RIMS2: variants seen among roughly 807,000 people sequenced by gnomAD.
The protein encoded by RIMS2 is regulating synaptic membrane exocytosis 2, also known as regulating synaptic membrane exocytosis protein 2.
Under a neutral mutation model 174.4 loss-of-function variants are expected in RIMS2, and 59 were observed. That is an observed-to-expected ratio of 0.34 (90% confidence interval 0.27 to 0.42). The LOEUF is 0.42. Among genes scored for constraint, RIMS2 ranks in the 10% least tolerant of loss-of-function variants. The probability of loss-of-function intolerance (pLI) is 1.00; values close to 1 mark genes in which losing one functional copy is unlikely to be tolerated. For synonymous variants in RIMS2, 606 were observed against 572.5 expected (o/e 1.06, Z -0.84); for missense variants, 1,620 against 1,666.3 (o/e 0.97, Z 0.48).
Position 104,096,875 on chromosome 8 carries a change from C to CAA in RIMS2, c.3334+82272_3334+82273dup, listed in dbSNP as rs34215707. The stretch of plus-strand genomic sequence containing the variant: ...GAGCGAGACTCCATCCGCCCCCCAC[C>CAA]AAAAAAAAAAAAAGAAAAAGAAAAA... On this transcript the variant is annotated intron_variant, in intron 19 of 23. Transcript: ENST00000504942. Among the ~76,000 whole-genome samples the CAA allele has an allele frequency of 8.3e-4, 109 of 131,126 alleles. 1 individual carries two copies. Among genetic ancestry groups the CAA allele is most frequent in the African/African-American group, 1.5e-3 (55 of 36,242 alleles). The allele number at this position is 131,126 out of a possible 152,430, so 86.0% of individuals were successfully genotyped here.
chr8:103,539,634 C>T (rs1171424151), intron 1 of RIMS2, among the ~76,000 whole-genome samples: 6 of 152,154 alleles, frequency 3.9e-5, no homozygotes, highest in Non-Finnish European at 7.4e-5. Flanking sequence ...CATTTTTTGC[C>T]ACCAAGGCAA....
At chr8:103,509,239 G>A (rs1825291107) in intron 1 of RIMS2, among the ~76,000 whole-genome samples, 1 of 152,012 alleles carries the variant, frequency 6.6e-6, no homozygotes, top group African/African-American at 2.4e-5. Flanking sequence ...CTTCTTAATA[G>A]CTTATAAAAT....
chr8:103,894,826 G>C (rs910633224), intron 4 of RIMS2, among the ~76,000 whole-genome samples: 2 of 151,398 alleles, frequency 1.3e-5, no homozygotes, highest in South Asian at 2.1e-4. Flanking sequence ...TTGCTCTTTT[G>C]CTTCTAAAAT....
At chr8:103,842,423 T>G (rs545172591) in intron 3 of RIMS2, among the ~76,000 whole-genome samples, 1 of 152,244 alleles carries the variant, frequency 6.6e-6, no homozygotes, top group African/African-American at 2.4e-5. Context: ...ATGAATTTTA[T>G]GAAGATTTAG....
At chr8:103,789,815 A>C (rs1052837321) in intron 3 of RIMS2, among the ~76,000 whole-genome samples, 2 of 140,108 alleles carry the variant, frequency 1.4e-5, no homozygotes, top group South Asian at 4.4e-4. Context: ...GGACGGTAGC[A>C]CAGTCATGCT....
chr8:103,966,919 T>C (rs1330256520), intron 15 of RIMS2, among the ~76,000 whole-genome samples: 1 of 151,998 alleles, frequency 6.6e-6, no homozygotes, highest in Admixed American at 6.6e-5. Context: ...ATCTTTCTGT[T>C]ACTGCTTTCT....
At chr8:104,081,462 ATTAT>A (rs1293787851) in intron 19 of RIMS2, among the ~76,000 whole-genome samples, 2 of 151,940 alleles carry the variant, frequency 1.3e-5, no homozygotes, top group Admixed American at 1.3e-4. Context: ...TTGTATTCTG[ATTAT>A]TTAGGTCATT....
At chr8:103,620,591 G>C (rs1291020031) in intron 1 of RIMS2, among the ~76,000 whole-genome samples, 3 of 152,124 alleles carry the variant, frequency 2.0e-5, no homozygotes, top group South Asian at 2.1e-4. Context: ...TTTTGTGTAA[G>C]ATAGCTGAGT....
intron 1 of RIMS2, among the ~76,000 whole-genome samples, chr8:103,544,214 C>T (rs539001190): frequency 1.2e-4 from 18 of 152,214 alleles, no homozygotes; most frequent in Admixed American, 2.6e-4. Flanking sequence ...TCCTGTTGTC[C>T]GGGGAAACAC....
intron 2 of RIMS2, among the ~76,000 whole-genome samples, chr8:103,729,588 A>C (rs12545944): frequency 0.12 from 18,840 of 151,406 alleles, 1,257 homozygotes; most frequent in Middle Eastern, 0.22. Flanking sequence ...GATTTGTGTT[A>C]TTACTTCTAC....
chr8:103,558,047 A>T lies in RIMS2; in HGVS notation c.176+56985A>T, dbSNP rs565205813. On this transcript the variant is annotated intron_variant, in intron 1 of 23. Coordinates refer to ENST00000504942, the Ensembl canonical transcript of RIMS2. ...TTAAAGTTTTCAAAAAGGTGCATAA[A>T]GTACCTTTATTTTTTATTTTATTTT... Among the ~76,000 whole-genome samples the T allele has an allele frequency of 6.6e-5, 10 of 152,296 alleles. No individual in the cohort carries two copies. In the South Asian group the frequency reaches 2.1e-3, roughly 32 times the overall value.
At chr8:103,549,359 C>A (rs959729499) in intron 1 of RIMS2, among the ~76,000 whole-genome samples, 2 of 152,114 alleles carry the variant, frequency 1.3e-5, no homozygotes, top group African/African-American at 4.8e-5. Context: ...AATTTCATAT[C>A]GAGCCAAACT....
At chr8:103,733,064 T>C (rs1412085814) in intron 2 of RIMS2, among the ~76,000 whole-genome samples, 1 of 152,070 alleles carries the variant, frequency 6.6e-6, no homozygotes, top group Non-Finnish European at 1.5e-5. Flanking sequence ...TGGCTCTGAG[T>C]CTCACTCAAG....
intron 4 of RIMS2, among the ~76,000 whole-genome samples, chr8:103,895,002 G>A (rs962281935): frequency 4.6e-5 from 7 of 151,460 alleles, no homozygotes; most frequent in African/African-American, 1.7e-4. Flanking sequence ...AAAAAATTAA[G>A]TTTTAAAAAT....
chr8:103,568,913 A>C, intron 1 of RIMS2: 1 of 985,630 alleles, frequency 1.0e-6, no homozygotes, highest in Non-Finnish European at 1.6e-6. Flanking sequence ...GCTGCAACAC[A>C]TCAGTGGCAT....
Position 103,599,916 on chromosome 8 carries a change from T to A in RIMS2, c.177-97170T>A, listed in dbSNP as rs188980130. Among the ~76,000 whole-genome samples, 25 of 152,296 alleles carry A rather than the reference T, an allele frequency of 1.6e-4. No homozygotes were observed. The East Asian group carries it at 4.6e-3, about 28-fold the overall frequency. On this transcript the variant is annotated intron_variant, in intron 1 of 23. Transcript: ENST00000504942. ...AAACCATCCAATTATACTCTTGTAGTTATTTAAAAATTTACAATCAAATTA... is the reference window on the plus strand; with the variant it reads ...AAACCATCCAATTATACTCTTGTAGATATTTAAAAATTTACAATCAAATTA...
chr8:103,561,040 C>T (rs2131973715), intron 1 of RIMS2, among the ~76,000 whole-genome samples: 1 of 152,314 alleles, frequency 6.6e-6, no homozygotes, highest in South Asian at 2.1e-4. Flanking sequence ...AAATTTAGCT[C>T]AGTGACTCAG....
chr8:103,785,079 T>C (rs2098428817), intron 3 of RIMS2, among the ~76,000 whole-genome samples: 1 of 142,172 alleles, frequency 7.0e-6, no homozygotes, highest in East Asian at 2.0e-4. Flanking sequence ...TTGTCTGTTA[T>C]TGGTGCGTAA....
chr8:103,538,863 C>T (rs187308216), intron 1 of RIMS2, among the ~76,000 whole-genome samples: 2 of 152,344 alleles, frequency 1.3e-5, no homozygotes, highest in East Asian at 3.9e-4. Context: ...TCCCACATAT[C>T]AGTGAGAACA....
Sources: allele counts gnomAD v4.1 joint callset (sites outside exome capture counted in the v4.1 genomes callset), GRCh38; gene constraint gnomAD v4.1.1; transcripts MANE v1.5; gene names NCBI Gene and HGNC (gene_info 2026-07-23, HGNC 2026-07-21).